KRIT1: variants seen among roughly 807,000 people sequenced by gnomAD.
KRIT1 encodes the protein krev interaction trapped protein 1.
Under a neutral mutation model 95.8 loss-of-function variants are expected in KRIT1, and 45 were observed. That is an observed-to-expected ratio of 0.47 (90% CI 0.37 to 0.60). KRIT1 has a LOEUF of 0.60. KRIT1 is among the 20% of genes least tolerant of loss of function. The pLI is 0.00. For synonymous variants in KRIT1, 282 were observed against 278.8 expected (o/e 1.01, Z -0.11); for missense variants, 788 against 877.5 (o/e 0.90, Z 1.29).
At chr7:92,239,009 A>G (rs1799006834) in intron 5 of KRIT1, among the ~76,000 whole-genome samples, 1 of 152,236 alleles carries the variant, frequency 6.6e-6, no homozygotes, top group Non-Finnish European at 1.5e-5. Flanking sequence ...ATGTTTATAT[A>G]AGGAATCTTA....
chr7:92,233,161 T>TACACACACAC (rs139965359), intron 10 of KRIT1, among the ~76,000 whole-genome samples: 1 of 149,366 alleles, frequency 6.7e-6, no homozygotes, highest in Non-Finnish European at 1.5e-5. Flanking sequence ...GATCTTTTTA[T>TACACACACAC]ACACACACAC....
intron 17 of KRIT1, among the ~76,000 whole-genome samples, chr7:92,205,261 G>A (rs191033467): frequency 1.4e-4 from 22 of 152,152 alleles, no homozygotes; most frequent in Admixed American, 1.3e-3. Flanking sequence ...CAGGAGAATC[G>A]CTTGAACCCC....
chr7:92,225,984 A>G (rs892125987), intron 11 of KRIT1, among the ~76,000 whole-genome samples, 157 bp from the exon 12 acceptor site: 1 of 152,256 alleles, frequency 6.6e-6, no homozygotes, highest in Non-Finnish European at 1.5e-5. Flanking sequence ...TGTTTAGAAT[A>G]AACAAGAGTT....
In KRIT1 at chr7:92,213,893, T is replaced by C. The variant is rs964415520; in HGVS notation, c.1817A>G (p.Lys606Arg). The change falls in exon 16 of 19, where the codon AAG (lysine) becomes AGG (arginine). Residue 606 changes from lysine (K) to arginine (R), a missense_variant and splice_region_variant. By Grantham distance (26) the Lys-to-Arg change is conservative. This residue lies in a region of KRIT1 where 493 missense variants were observed against 582.3 expected (regional missense o/e 0.85). Coordinates refer to ENST00000394505, the MANE Select transcript of KRIT1 (RefSeq NM_194454.3). The stretch of plus-strand genomic sequence containing the variant: ...TTTCATTTCTATTAAACAGCTTACC[T>C]TGTATTCATGAAGTATGCGATTTGT... ...HWTNRILHEYKNLSTSEGVSK... is the reference protein window; with the variant it reads ...HWTNRILHEYRNLSTSEGVSK... 3.8e-6 allele frequency: 6 copies of C among 1,561,570 alleles called. No individual in the cohort carries two copies. The highest frequency in any genetic ancestry group is 4.5e-5 in the East Asian group (2 of 44,482).
intron 17 of KRIT1, among the ~76,000 whole-genome samples, chr7:92,207,622 C>T (rs1039722861): frequency 6.6e-6 from 1 of 152,070 alleles, no homozygotes; most frequent in Admixed American, 6.6e-5. Context: ...TTTGGGAGGC[C>T]GAGGTGGTTG....
intron 18 of KRIT1, 119 bp downstream of exon 18, chr7:92,201,185 ATAT>A: frequency 1.4e-6 from 1 of 689,810 alleles, no homozygotes; most frequent in Non-Finnish European, 2.6e-6. Flanking sequence ...TTGGTCTTAA[ATAT>A]TTTAATTTCA....
At chr7:92,234,042 T>C (rs1393126792) in intron 10 of KRIT1, among the ~76,000 whole-genome samples, 1 of 152,218 alleles carries the variant, frequency 6.6e-6, no homozygotes, top group East Asian at 1.9e-4. Context: ...AGGATACTTT[T>C]ATAGCAAGAC....
chr7:92,235,086 G>A (rs562160421), intron 8 of KRIT1, among the ~76,000 whole-genome samples, 163 bp from the exon 9 acceptor site: 4 of 152,206 alleles, frequency 2.6e-5, no homozygotes, highest in East Asian at 1.9e-4. Flanking sequence ...TGCAACCTCC[G>A]CCTCCCAGGT....
intron 14 of KRIT1, among the ~76,000 whole-genome samples, chr7:92,218,990 T>C (rs1418708694): frequency 1.3e-5 from 2 of 152,154 alleles, no homozygotes. Context: ...AGGTCACTGA[T>C]GCATTTTATT....
At chr7:92,237,998 G>C (rs1195718243) in intron 5 of KRIT1, among the ~76,000 whole-genome samples, 1 of 152,098 alleles carries the variant, frequency 6.6e-6, no homozygotes, top group Non-Finnish European at 1.5e-5. Context: ...CCTAAGCATA[G>C]CTAGGAAAAC....
In KRIT1 at chr7:92,236,485, A is replaced by T; in HGVS notation, c.413T>A (p.Ile138Asn). Residue 138 changes from isoleucine to asparagine, a missense_variant, in exon 7 of 19, where the codon ATT becomes AAT. Physicochemically the swap from Ile to Asn is moderately radical, Grantham distance 149. Around this residue, in one of 3 missense-constraint regions of KRIT1, gnomAD observed 289 missense variants for 277.5 expected, o/e 1.04. Transcript: ENST00000394505. ...GCPIFYCLQDIMRVCSESSTH... is the reference protein window; with the variant it reads ...GCPIFYCLQDNMRVCSESSTH... ...ACTGGATTCACTACAGACTCGCATA[A>T]TATCTTGTAAGCAGTAAAAAATTGG... 1 of 1,589,054 alleles carries T rather than the reference A, an allele frequency of 6.3e-7. No individual in the cohort carries two copies.
chr7:92,226,367 C>T (rs1796210142), intron 11 of KRIT1, among the ~76,000 whole-genome samples, 159 bp downstream of exon 11: 1 of 151,712 alleles, frequency 6.6e-6, no homozygotes, highest in South Asian at 2.1e-4. Flanking sequence ...ATTTATTCTA[C>T]AAAGTACAAC....
chr7:92,233,934 A>G (rs1797864549), intron 10 of KRIT1, among the ~76,000 whole-genome samples: 1 of 152,190 alleles, frequency 6.6e-6, no homozygotes, highest in African/African-American at 2.4e-5. Flanking sequence ...AGCTAACCCC[A>G]ATCCTGTCCC....
At chr7:92,230,069 GAAGT>G (rs1359461326) in intron 10 of KRIT1, among the ~76,000 whole-genome samples, 6 of 152,260 alleles carry the variant, frequency 3.9e-5, no homozygotes, top group Middle Eastern at 3.4e-3. Context: ...AGCAATTCGA[GAAGT>G]AATAATAAAA....
intron 5 of KRIT1, among the ~76,000 whole-genome samples, 183 bp from the exon 6 acceptor site, chr7:92,237,942 C>T (rs1235145413): frequency 6.6e-6 from 1 of 152,074 alleles, no homozygotes; most frequent in African/African-American, 2.4e-5. Context: ...TGTGGACAAT[C>T]CTTGTAGATT....
At chr7:92,230,259 T>G (rs955906897) in intron 10 of KRIT1, among the ~76,000 whole-genome samples, 8 of 152,166 alleles carry the variant, frequency 5.3e-5, no homozygotes, top group Non-Finnish European at 1.2e-4. Flanking sequence ...TCATGGTGAC[T>G]AGCCAGAGTT....
At chr7:92,223,687 T>C (rs1204941326) in intron 12 of KRIT1, among the ~76,000 whole-genome samples, 1 of 152,138 alleles carries the variant, frequency 6.6e-6, no homozygotes, top group African/African-American at 2.4e-5. Flanking sequence ...GGGTCACATA[T>C]AATACAACAG....
rs1789778959 is a variant in KRIT1, at chr7:92,199,712, T to A, written c.*1024A>T. On this transcript the variant is annotated 3_prime_UTR_variant, in exon 19 of 19. Transcript: ENST00000394505. Reference sequence around the variant, plus strand: ...GCAGTTTTGTGAAATTTCTCAACTTTAATAATCGAAATTCCTTATTGGGTC... The same window carrying A: ...GCAGTTTTGTGAAATTTCTCAACTTAAATAATCGAAATTCCTTATTGGGTC... The A allele has an allele frequency of 6.6e-6, 1 of 152,224 alleles. No homozygotes were observed. The highest frequency in any genetic ancestry group is 1.5e-5 in the Non-Finnish European group (1 of 68,036). The allele number at this position is 152,224 out of a possible 1,614,324, so 9.4% of individuals were successfully genotyped here. A position where few individuals can be genotyped will look rare whatever the true frequency, so the allele number is the denominator to read the frequency against.
intron 17 of KRIT1, among the ~76,000 whole-genome samples, chr7:92,207,073 A>C (rs1213761605): frequency 1.3e-5 from 2 of 152,164 alleles, no homozygotes; most frequent in African/African-American, 4.8e-5. Context: ...GGAGAAAGTC[A>C]AAGAAAACCT....
Sources: gnomAD v4.1 joint callset for allele counts (sites outside exome capture counted in the v4.1 genomes callset) on GRCh38, gnomAD v4.1.1 for gene constraint, gnomAD v4.1.1 regional missense constraint, MANE v1.5 for transcripts, NCBI Gene and HGNC (gene_info 2026-07-23, HGNC 2026-07-21) for gene names.